The following EYS variants were observed in gnomAD, a reference collection of about 807,000 sequenced individuals.
EYS encodes the protein EGF-like photoreceptor maintenance factor.
In EYS, 250 loss-of-function variants were observed where a neutral mutation model predicts 282.1. The ratio of observed to expected loss-of-function variants is 0.89; its 90% CI spans 0.80 to 0.98. The LOEUF (loss-of-function observed/expected upper bound fraction) is 0.98, where lower values mean the gene tolerates loss of function less well. Among genes scored for constraint, EYS ranks in the 50% least tolerant of loss-of-function variants. The pLI is 0.00. For missense variants in EYS, 4,016 were observed against 3,709.0 expected, an observed-to-expected ratio of 1.08 and a Z score of -2.15; for synonymous variants, 1,355 against 1,282.9, an observed-to-expected ratio of 1.06 and a Z score of -1.20.
intron 31 of EYS, among the ~76,000 whole-genome samples, chr6:64,223,332 G>T (rs1433130859): frequency 6.6e-6 from 1 of 151,908 alleles, no homozygotes. Flanking sequence ...CAATTAAAAG[G>T]ACAATTAGTA....
intron 34 of EYS, among the ~76,000 whole-genome samples, chr6:63,992,582 C>T (rs1346438392): frequency 6.6e-6 from 1 of 151,358 alleles, no homozygotes; most frequent in Non-Finnish European, 1.5e-5. Context: ...AAATGTACTG[C>T]TATAGCTATA....
At chr6:64,978,019 T>C (rs1458025648) in intron 14 of EYS, among the ~76,000 whole-genome samples, 3 of 151,936 alleles carry the variant, frequency 2.0e-5, no homozygotes, top group Admixed American at 1.3e-4. Context: ...CTGTAGAAGC[T>C]GCAGCATTAT....
At chr6:64,720,284 C>A (rs528002707) in intron 22 of EYS, among the ~76,000 whole-genome samples, 1 of 152,282 alleles carries the variant, frequency 6.6e-6, no homozygotes, top group Non-Finnish European at 1.5e-5. Context: ...CCTTCTCTCA[C>A]CTTTTCCTTC....
intron 1 of EYS, among the ~76,000 whole-genome samples, chr6:65,704,668 T>C (rs954780297): frequency 3.3e-5 from 5 of 152,226 alleles, no homozygotes; most frequent in Non-Finnish European, 5.9e-5. Flanking sequence ...AACTCAAGAA[T>C]AGACACCTTC....
chr6:64,948,261 T>C (rs527571075), intron 14 of EYS, among the ~76,000 whole-genome samples: 1 of 151,296 alleles, frequency 6.6e-6, no homozygotes, highest in African/African-American at 2.4e-5. Flanking sequence ...AACCCAGAGT[T>C]TGAGAATTTT....
chr6:64,692,288 T>C (rs989987464), intron 22 of EYS, among the ~76,000 whole-genome samples: 1 of 152,188 alleles, frequency 6.6e-6, no homozygotes, highest in Non-Finnish European at 1.5e-5. Flanking sequence ...AGGCCACTTG[T>C]ATGCTTTCTT....
intron 5 of EYS, chr6:65,489,391 G>T (rs754616400): frequency 6.6e-6 from 1 of 152,112 alleles, no homozygotes; most frequent in Non-Finnish European, 1.5e-5. Flanking sequence ...ATCATCACTG[G>T]TCATTAGAGA....
chr6:65,531,921 G>C (rs1385680707), intron 2 of EYS, among the ~76,000 whole-genome samples: 1 of 152,104 alleles, frequency 6.6e-6, no homozygotes, highest in African/African-American at 2.4e-5. Context: ...TCTGGTTGGT[G>C]ATGTAAATTC....
At chr6:64,112,066 A>ATT (rs1773221972) in intron 31 of EYS, among the ~76,000 whole-genome samples, 1 of 152,014 alleles carries the variant, frequency 6.6e-6, no homozygotes, top group African/African-American at 2.4e-5. Flanking sequence ...CATCCCTTAC[A>ATT]TTACTTTTCT....
chr6:64,968,013 T>C (rs1562280053), intron 14 of EYS, among the ~76,000 whole-genome samples: 1 of 152,134 alleles, frequency 6.6e-6, no homozygotes, highest in Non-Finnish European at 1.5e-5. Flanking sequence ...CAAATGTGAT[T>C]AGTTAAATGA....
chr6:64,304,176 C>A (rs147414228), intron 30 of EYS, among the ~76,000 whole-genome samples: 7 of 152,318 alleles, frequency 4.6e-5, no homozygotes, highest in Admixed American at 6.5e-5. Flanking sequence ...CTTAGCCACA[C>A]TGACAGGCAA....
intron 33 of EYS, among the ~76,000 whole-genome samples, chr6:64,004,853 C>A (rs1768268576): frequency 6.6e-6 from 1 of 152,102 alleles, no homozygotes. Context: ...TTTTCTTTAT[C>A]CAGTCTACCA....
At chr6:65,039,133 A>C (rs1772854981) in intron 13 of EYS, among the ~76,000 whole-genome samples, 1 of 151,442 alleles carries the variant, frequency 6.6e-6, no homozygotes, top group African/African-American at 2.4e-5. Context: ...TTTCTCCTTC[A>C]TAGTTTTAGG....
chr6:65,108,707 C>G (rs976169728), intron 12 of EYS, among the ~76,000 whole-genome samples: 12 of 152,090 alleles, frequency 7.9e-5, no homozygotes, highest in Admixed American at 3.3e-4. Context: ...TCATGTTTGA[C>G]TAACTTCTGT....
At chr6:65,512,086 A>T (rs2882615) in intron 2 of EYS, among the ~76,000 whole-genome samples, 4 of 151,866 alleles carry the variant, frequency 2.6e-5, no homozygotes, top group African/African-American at 4.8e-5. Flanking sequence ...AACTCTAATA[A>T]GTTGATCACC....
At chr6:65,205,358 A>G (rs1379619232) in intron 12 of EYS, among the ~76,000 whole-genome samples, 3 of 151,782 alleles carry the variant, frequency 2.0e-5, no homozygotes, top group Non-Finnish European at 4.4e-5. Flanking sequence ...ATATTTAACT[A>G]TTCTAAATAT....
At chr6:63,908,060 G>A (rs1195275265) in intron 35 of EYS, among the ~76,000 whole-genome samples, 1 of 133,334 alleles carries the variant, frequency 7.5e-6, no homozygotes, top group Non-Finnish European at 1.6e-5. Context: ...GTGTGTGTGT[G>A]TGTGTAAATA....
At chr6:63,927,766 G>A (rs1343208424) in intron 35 of EYS, among the ~76,000 whole-genome samples, 1 of 152,236 alleles carries the variant, frequency 6.6e-6, no homozygotes, top group African/African-American at 2.4e-5. Context: ...TTCTGAGACA[G>A]ACGCTGGGCA....
Position 64,593,224 on chromosome 6 carries a change from G to C in EYS, c.3770C>G (p.Ser1257Cys). Residue 1257 changes from serine (S) to cysteine (C), a missense_variant, in exon 25 of 43, where the codon TCC (serine) becomes TGC (cysteine). Physicochemically the swap from Ser to Cys is moderately radical, Grantham distance 112 (BLOSUM62 -1). Coordinates refer to ENST00000503581, the MANE Select transcript of EYS (RefSeq NM_001142800.2). ...TPIFQRTDPI[S>C]TQTYTIPPSE... ...AGGGGGAATTGTATATGTCTGTGTG[G>C]AAATGGGATCTGTTCTTTGAAAGAT... 6.4e-7 allele frequency: 1 copy of C among 1,550,640 alleles called. No homozygotes were observed. The highest frequency in any genetic ancestry group is 1.2e-5 in the South Asian group (1 of 83,990).
Sources: allele counts gnomAD v4.1 joint callset (sites outside exome capture counted in the v4.1 genomes callset), GRCh38; gene constraint gnomAD v4.1.1; transcripts MANE v1.5; gene names NCBI Gene and HGNC (gene_info 2026-07-23, HGNC 2026-07-21).